CCDC146: variants seen among roughly 807,000 people sequenced by gnomAD.
CCDC146 encodes coiled-coil domain containing 146.
A neutral mutation model predicts 119.3 loss-of-function variants in CCDC146; 92 were observed. The ratio of observed to expected loss-of-function variants is 0.77; its 90% confidence interval spans 0.65 to 0.92. The LOEUF (loss-of-function observed/expected upper bound fraction) is 0.92. Ranked by LOEUF, CCDC146 falls within the 40% of genes least tolerant of loss-of-function variation. The pLI is 0.00. For synonymous variants in CCDC146, 372 were observed against 371.8 expected (o/e 1.00, Z -0.01); for missense variants, 1,000 against 1,103.0 (o/e 0.91, Z 1.32).
chr7:77,246,376 G>A (rs1792949836), intron 4 of CCDC146: 1 of 152,222 alleles, frequency 6.6e-6, no homozygotes, highest in Non-Finnish European at 1.5e-5. Flanking sequence ...CGGGCTTCCT[G>A]CATTATCTCT....
chr7:77,224,092 A>G (rs1244006462), intron 2 of CCDC146, among the ~76,000 whole-genome samples: 1 of 152,176 alleles, frequency 6.6e-6, no homozygotes, highest in Non-Finnish European at 1.5e-5. Flanking sequence ...TGGTTTAGGA[A>G]CTGTATTAGT....
intron 2 of CCDC146, among the ~76,000 whole-genome samples, chr7:77,224,709 C>A (rs1199374993): frequency 6.6e-6 from 1 of 152,114 alleles, no homozygotes; most frequent in African/African-American, 2.4e-5. Flanking sequence ...ATAATGAAGA[C>A]CCTTGTACAC....
Position 77,220,478 on chromosome 7 carries a change from C to T in CCDC146, c.157-16469C>T, listed in dbSNP as rs375414077. On this transcript the variant is annotated intron_variant, in intron 2 of 18. Transcript: ENST00000285871. The stretch of plus-strand genomic sequence containing the variant: ...ATACATCCTCAGCTTACGAAGATGA[C>T]GGGATTAAGAGATTAAAGTAAAGAC... Among the ~76,000 whole-genome samples, 7 of 152,182 alleles carry T rather than the reference C, an allele frequency of 4.6e-5. No homozygotes were observed. In the East Asian group the frequency reaches 5.8e-4, roughly 13 times the overall value.
chr7:77,246,024 T>C (rs1792943174), intron 4 of CCDC146, among the ~76,000 whole-genome samples: 1 of 152,192 alleles, frequency 6.6e-6, no homozygotes, highest in Non-Finnish European at 1.5e-5. Flanking sequence ...AAAGTAATGA[T>C]TATGATTTTT....
chr7:77,217,564 G>T (rs113166237), intron 2 of CCDC146, among the ~76,000 whole-genome samples: 6,017 of 87,428 alleles, frequency 0.069, 289 homozygotes, highest in African/African-American at 0.13. Flanking sequence ...TATATATATA[G>T]AGAGAGAGAG....
At chr7:77,282,322 G>T in intron 14 of CCDC146, 1 of 427,064 alleles carries the variant, frequency 2.3e-6, no homozygotes, top group Non-Finnish European at 4.2e-6. Flanking sequence ...AGACATTGTG[G>T]CTAGCCAACC....
intron 14 of CCDC146, among the ~76,000 whole-genome samples, chr7:77,281,112 A>G (rs1467989903): frequency 8.5e-6 from 1 of 117,302 alleles, no homozygotes; most frequent in Non-Finnish European, 1.7e-5. Flanking sequence ...CCAAAAACAA[A>G]CAAAAAAAAA....
intron 2 of CCDC146, 42 bp from the exon 3 acceptor site, chr7:77,236,905 A>C: frequency 2.1e-6 from 3 of 1,440,446 alleles, no homozygotes; most frequent in African/African-American, 1.4e-5. Flanking sequence ...TTAAGCCTAA[A>C]GAGAATGGTG....
chr7:77,179,595 T>C (rs1045256079), intron 2 of CCDC146, among the ~76,000 whole-genome samples: 38 of 152,284 alleles, frequency 2.5e-4, no homozygotes, highest in African/African-American at 8.9e-4. Flanking sequence ...TCATCTGCTC[T>C]TGCAGATAAT....
chr7:77,145,396 G>A (rs1287156602), intron 1 of CCDC146, among the ~76,000 whole-genome samples: 1 of 151,624 alleles, frequency 6.6e-6, no homozygotes, highest in East Asian at 1.9e-4. Flanking sequence ...TTTTTGAAGG[G>A]TTTTTTGTGT....
intron 14 of CCDC146, chr7:77,282,308 T>G (rs977885918): frequency 5.5e-5 from 22 of 396,800 alleles, no homozygotes; most frequent in Non-Finnish European, 8.5e-5. Flanking sequence ...TTTGGGACTT[T>G]CAGAGACATT....
chr7:77,260,793 AT>A (rs11334522), intron 8 of CCDC146, among the ~76,000 whole-genome samples: 148,754 of 151,298 alleles, frequency 0.98, 73,132 homozygotes, highest in East Asian at 1. Context: ...CGCCCGGCTA[AT>A]TTTTTTTTTT....
chr7:77,280,701 T>A (rs1021139084), intron 14 of CCDC146, 48 bp downstream of exon 14: 14 of 1,281,854 alleles, frequency 1.1e-5, no homozygotes, highest in Non-Finnish European at 1.4e-5. Context: ...AACTGAGGAA[T>A]GTCACCTCTT....
At chr7:77,262,090 C>T (rs200869346) in intron 8 of CCDC146, 31 bp from the exon 9 acceptor site, 1 of 1,525,088 alleles carries the variant, frequency 6.6e-7, no homozygotes, top group Non-Finnish European at 8.8e-7. Context: ...ATAACAAAAT[C>T]ATTTTCTTCT....
chr7:77,259,131 A>G (rs1054774270), intron 7 of CCDC146, 63 bp downstream of exon 7: 4 of 947,040 alleles, frequency 4.2e-6, no homozygotes, highest in Non-Finnish European at 6.7e-6. Flanking sequence ...ACACTAGAAC[A>G]AGAGTACTAA....
At chr7:77,259,833 T>C (rs3828948) in intron 7 of CCDC146, 176 bp from the exon 8 acceptor site, 3 of 560,446 alleles carry the variant, frequency 5.4e-6, no homozygotes, top group Non-Finnish European at 9.4e-6. Flanking sequence ...CCCACCCATC[T>C]GTGGTCTTTA....
chr7:77,123,115 A>T (rs1790647387), intron 1 of CCDC146, among the ~76,000 whole-genome samples: 1 of 150,198 alleles, frequency 6.7e-6, no homozygotes, highest in Non-Finnish European at 1.5e-5. Flanking sequence ...CGTGTAAAGT[A>T]CTGTATTTTT....
intron 1 of CCDC146, among the ~76,000 whole-genome samples, chr7:77,125,414 G>A (rs574168563): frequency 1.1e-4 from 16 of 151,802 alleles, no homozygotes; most frequent in African/African-American, 3.9e-4. Flanking sequence ...CAATTCCAGA[G>A]GGATATATAC....
intron 2 of CCDC146, among the ~76,000 whole-genome samples, chr7:77,203,192 A>G (rs1792025383): frequency 6.6e-6 from 1 of 151,962 alleles, no homozygotes. Flanking sequence ...AGGCATTATT[A>G]CCAAGGCATG....
Sources: allele counts gnomAD v4.1 joint callset (sites outside exome capture counted in the v4.1 genomes callset), GRCh38; gene constraint gnomAD v4.1.1; transcripts MANE v1.5; gene names NCBI Gene and HGNC (gene_info 2026-07-23, HGNC 2026-07-21).